The following TASP1 variants were observed in gnomAD, a reference collection of about 807,000 sequenced individuals.
TASP1 encodes the protein taspase 1, also known as threonine aspartase 1.
In TASP1, 16 loss-of-function variants were observed where a neutral mutation model predicts 56.6. The ratio of observed to expected loss-of-function variants is 0.28; its 90% CI spans 0.19 to 0.43. The LOEUF is 0.43. Among genes scored for constraint, TASP1 ranks in the 20% least tolerant of loss-of-function variants. The pLI, the probability that TASP1 is intolerant of heterozygous loss-of-function variation, is 1.00. For synonymous variants in TASP1, 179 were observed against 184.2 expected (o/e 0.97, Z 0.23); for missense variants, 393 against 511.6 (o/e 0.77, Z 2.24).
the TASP1 span, among the ~76,000 whole-genome samples, chr20:13,194,587 ATG>A: frequency 4.1e-5 from 4 of 98,152 alleles, no homozygotes; most frequent in Admixed American, 1.9e-4. Context: ...GTGTGTGTGT[ATG>A]TGTGTTTCCA....
chr20:13,449,431 C>T (rs970241381), intron 11 of TASP1, among the ~76,000 whole-genome samples: 1 of 152,108 alleles, frequency 6.6e-6, no homozygotes, highest in Non-Finnish European at 1.5e-5. Flanking sequence ...TGGTCAGATC[C>T]CACTTACTGT....
chr20:13,522,210 C>A (rs995523169), intron 10 of TASP1, among the ~76,000 whole-genome samples: 1 of 152,156 alleles, frequency 6.6e-6, no homozygotes, highest in Non-Finnish European at 1.5e-5. Context: ...GTGGCTTTCC[C>A]ATTTATTAAG....
At chr20:13,392,301 T>TC (rs1318080788) in intron 13 of TASP1, among the ~76,000 whole-genome samples, 2 of 152,152 alleles carry the variant, frequency 1.3e-5, no homozygotes, top group Non-Finnish European at 2.9e-5. Flanking sequence ...CTCATACATC[T>TC]CTCTGTGATA....
At chr20:13,215,838 C>T in the TASP1 span, among the ~76,000 whole-genome samples, 3 of 152,154 alleles carry the variant, frequency 2.0e-5, no homozygotes, top group Admixed American at 6.5e-5. Context: ...ATGTTGCTGG[C>T]GATCCAGGTG....
At chr20:13,506,157 T>A (rs532403506) in intron 10 of TASP1, among the ~76,000 whole-genome samples, 1 of 152,226 alleles carries the variant, frequency 6.6e-6, no homozygotes, top group South Asian at 2.1e-4. Context: ...TAGAAATGCA[T>A]AAATTCCTAG....
At chr20:13,429,632 GTGTC>G (rs979485652) in intron 12 of TASP1, among the ~76,000 whole-genome samples, 6 of 139,614 alleles carry the variant, frequency 4.3e-5, no homozygotes, top group African/African-American at 1.1e-4. Context: ...GTGTGTGTGT[GTGTC>G]TGTCTGTGTG....
At chr20:13,603,379 A>G (rs962578770) in intron 4 of TASP1, among the ~76,000 whole-genome samples, 1 of 151,932 alleles carries the variant, frequency 6.6e-6, no homozygotes, top group Non-Finnish European at 1.5e-5. Flanking sequence ...CTCTACAAAA[A>G]AAAAATACAA....
chr20:13,331,385 G>C, the TASP1 span, among the ~76,000 whole-genome samples: 1 of 152,134 alleles, frequency 6.6e-6, no homozygotes, highest in Non-Finnish European at 1.5e-5. Flanking sequence ...GAAAATTCAG[G>C]AGTTTCCTGC....
chr20:13,157,352 G>T, the TASP1 span, among the ~76,000 whole-genome samples: 1 of 151,832 alleles, frequency 6.6e-6, no homozygotes, highest in Non-Finnish European at 1.5e-5. Flanking sequence ...CAGGATAATC[G>T]CTGGAACCCG....
chr20:13,527,667 T>C (rs886732174), intron 10 of TASP1, among the ~76,000 whole-genome samples: 1 of 151,958 alleles, frequency 6.6e-6, no homozygotes. Context: ...TGATAATGCC[T>C]TTACAATATA....
At chr20:13,446,405 C>T (rs1372117503) in intron 11 of TASP1, among the ~76,000 whole-genome samples, 1 of 151,994 alleles carries the variant, frequency 6.6e-6, no homozygotes, top group Non-Finnish European at 1.5e-5. Context: ...TCTTGACTAT[C>T]CCATGACAAA....
In TASP1 at chr20:13,417,433, T is replaced by G. The variant is rs1051861955; in HGVS notation, c.1170+15A>C. 1 of 1,613,890 alleles carries G rather than the reference T, an allele frequency of 6.2e-7. No homozygotes were observed. Among genetic ancestry groups the G allele is most frequent in the African/African-American group, 1.3e-5 (1 of 75,044 alleles). The stretch of plus-strand genomic sequence containing the variant: ...CTACAAGGTTTTCAGGTTATGACCG[T>G]TTTTTCCCACTTACCTTGGCTTTCC... On this transcript the variant is annotated intron_variant, in intron 13 of 13. Coordinates refer to ENST00000337743, the MANE Select transcript of TASP1 (RefSeq NM_017714.3).
chr20:13,567,981 T>C (rs1350102526), intron 7 of TASP1, among the ~76,000 whole-genome samples: 1 of 152,180 alleles, frequency 6.6e-6, no homozygotes, highest in African/African-American at 2.4e-5. Flanking sequence ...TTGCCTGATA[T>C]AAGGACTGTA....
the TASP1 span, among the ~76,000 whole-genome samples, chr20:13,222,676 C>T: frequency 2.0e-5 from 3 of 152,184 alleles, no homozygotes; most frequent in African/African-American, 7.2e-5. Context: ...AACTTCAGGG[C>T]AAGGAGAGGG....
At chr20:13,541,969 C>T (rs2045638850) in intron 8 of TASP1, among the ~76,000 whole-genome samples, 2 of 149,970 alleles carry the variant, frequency 1.3e-5, no homozygotes, top group Non-Finnish European at 3.0e-5. Context: ...TGCTTGAACC[C>T]GGGAAACAGA....
the TASP1 span, among the ~76,000 whole-genome samples, chr20:13,275,872 C>T: frequency 2.6e-5 from 4 of 152,178 alleles, no homozygotes; most frequent in African/African-American, 4.8e-5. Context: ...CTGTTTACCT[C>T]GGGACCTTGA....
the TASP1 span, among the ~76,000 whole-genome samples, chr20:13,132,144 C>G: frequency 2.6e-5 from 4 of 151,470 alleles, no homozygotes; most frequent in Non-Finnish European, 4.4e-5. Flanking sequence ...ATCCTCCTGT[C>G]CCTCTAATTC....
chr20:13,264,410 G>A, the TASP1 span, among the ~76,000 whole-genome samples: 4 of 152,198 alleles, frequency 2.6e-5, no homozygotes. Flanking sequence ...TAGGGCAGGT[G>A]GCTATTTGCA....
chr20:13,406,661 G>GT (rs201624204), intron 13 of TASP1, among the ~76,000 whole-genome samples: 6,499 of 129,306 alleles, frequency 0.05, 505 homozygotes, highest in African/African-American at 0.18. Context: ...TATTTTGAGG[G>GT]TTTTTTCTTT....
Sources: allele counts gnomAD v4.1 joint callset (sites outside exome capture counted in the v4.1 genomes callset), GRCh38; gene constraint gnomAD v4.1.1; transcripts MANE v1.5; gene names NCBI Gene and HGNC (gene_info 2026-07-23, HGNC 2026-07-21).